FKBP5: variants seen among roughly 807,000 people sequenced by gnomAD.
FKBP5 encodes FKBP prolyl isomerase 5, also known as peptidyl-prolyl cis-trans isomerase FKBP5.
A neutral mutation model predicts 50.5 loss-of-function variants in FKBP5; 23 were observed. That is an observed-to-expected ratio of 0.46 (90% confidence interval 0.33 to 0.65). The LOEUF (loss-of-function observed/expected upper bound fraction) is 0.65. FKBP5 is among the 30% of genes least tolerant of loss of function. The probability of loss-of-function intolerance (pLI) is 0.02; values close to 1 mark genes in which losing one functional copy is unlikely to be tolerated. For synonymous variants in FKBP5, 176 were observed against 190.6 expected (o/e 0.92, Z 0.63); for missense variants, 411 against 553.1 (o/e 0.74, Z 2.58).
At chr6:35,713,529 C>T (rs1004855589) in intron 2 of FKBP5, among the ~76,000 whole-genome samples, 1 of 152,094 alleles carries the variant, frequency 6.6e-6, no homozygotes, top group South Asian at 2.1e-4. Context: ...AAAGACCTAC[C>T]CTTCTAGCAA....
intron 5 of FKBP5, among the ~76,000 whole-genome samples, chr6:35,604,882 C>A (rs1477523267): frequency 6.6e-6 from 1 of 150,970 alleles, no homozygotes; most frequent in African/African-American, 2.4e-5. Context: ...CCTCCACCTC[C>A]CGGGTTCACG....
chr6:35,607,894 ATGTCCTGGCC>A (rs1239535892), intron 5 of FKBP5: 2 of 176,922 alleles, frequency 1.1e-5, no homozygotes, highest in African/African-American at 4.8e-5. Context: ...GAGCTGAGCA[ATGTCCTGGCC>A]ACCATGACAA....
At chr6:35,680,633 A>G (rs1765639981) in intron 1 of FKBP5, among the ~76,000 whole-genome samples, 1 of 152,220 alleles carries the variant, frequency 6.6e-6, no homozygotes, top group Non-Finnish European at 1.5e-5. Context: ...AATCTAGTAG[A>G]CAGTGACAGA....
intron 6 of FKBP5, among the ~76,000 whole-genome samples, chr6:35,595,360 T>C (rs1215446289): frequency 6.6e-6 from 1 of 152,220 alleles, no homozygotes; most frequent in African/African-American, 2.4e-5. Context: ...ACAGAATTTA[T>C]CCTAAGGGAG....
chr6:35,580,174 G>A lies in FKBP5; in HGVS notation c.888C>T (p.Ser296=), dbSNP rs755603173. 17 of 1,613,918 alleles carry A rather than the reference G, an allele frequency of 1.1e-5. No homozygotes were observed. The Admixed American group carries it at 2.8e-4, about 27-fold the overall frequency. The change falls in exon 9 of 11, where the codon TCC becomes TCT. Residue 296 remains serine, a synonymous_variant. Coordinates refer to ENST00000357266, the MANE Select transcript of FKBP5 (RefSeq NM_004117.4). The part of the protein sequence containing the change: ...QAVIQYGKIV[S]WLEMEYGLSE... ...ATAAACCATATTCCATCTCTAACCA[G>A]GACACTATCTTCCCATACTGAATCA...
chr6:35,658,354 C>T (rs1006122613), intron 1 of FKBP5, among the ~76,000 whole-genome samples: 13 of 150,228 alleles, frequency 8.7e-5, no homozygotes, highest in South Asian at 4.2e-4. Flanking sequence ...CCAGCCTGGG[C>T]GACTCCGTCT....
intron 1 of FKBP5, among the ~76,000 whole-genome samples, chr6:35,668,716 A>G (rs1729244478): frequency 1.3e-5 from 2 of 152,084 alleles, no homozygotes; most frequent in Non-Finnish European, 2.9e-5. Flanking sequence ...TTTAGGGTAC[A>G]TGTGAAGTCA....
intron 1 of FKBP5, among the ~76,000 whole-genome samples, chr6:35,658,236 GT>G (rs1422679213): frequency 7.9e-5 from 12 of 152,022 alleles, no homozygotes; most frequent in African/African-American, 2.7e-4. Flanking sequence ...TTAACCGGGC[GT>G]GGTGGCGGGC....
At chr6:35,645,572 A>T (rs1320200783) in intron 1 of FKBP5, among the ~76,000 whole-genome samples, 1 of 152,238 alleles carries the variant, frequency 6.6e-6, no homozygotes, top group Non-Finnish European at 1.5e-5. Context: ...ACAAAATATA[A>T]GAACTTGGAA....
At chr6:35,613,838 GT>G (rs1763566049) in intron 5 of FKBP5, among the ~76,000 whole-genome samples, 1 of 152,150 alleles carries the variant, frequency 6.6e-6, no homozygotes, top group Non-Finnish European at 1.5e-5. Context: ...TCCCAGGAAA[GT>G]ACATTCTAAC....
In FKBP5 at chr6:35,575,037, C is replaced by T. The variant is rs908583747; in HGVS notation, c.*798G>A. On this transcript the variant is annotated 3_prime_UTR_variant, in exon 11 of 11. Transcript: ENST00000357266. ...GGGAGAAAAAGCACAATTCTGATTGCTCTTTTCACATTTCAGTATCTCAGA... is the reference window on the plus strand; with the variant it reads ...GGGAGAAAAAGCACAATTCTGATTGTTCTTTTCACATTTCAGTATCTCAGA... The T allele has an allele frequency of 1.3e-5, 2 of 152,346 alleles. No homozygotes were observed. Among genetic ancestry groups the T allele is most frequent in the Middle Eastern group, 6.8e-3 (2 of 294 alleles). 9.4% of individuals were successfully genotyped at this position (152,346 alleles called of 1,614,324 possible). A position where few individuals can be genotyped will look rare whatever the true frequency, so the allele number is the denominator to read the frequency against.
rs1340164573 is a variant in FKBP5, at chr6:35,681,442, C to T, written c.-20+7362G>A. On this transcript the variant is annotated intron_variant, in intron 1 of 10. Transcript: ENST00000357266. ...CTTTCCAGTCAACCACAACCCCTACCCAGAGGCAACCACTGTCCTGATTTC... is the reference window on the plus strand; with the variant it reads ...CTTTCCAGTCAACCACAACCCCTACTCAGAGGCAACCACTGTCCTGATTTC... 1.3e-5 allele frequency among the ~76,000 whole-genome samples: 2 copies of T among 152,182 alleles called. 1 individual carries two copies. The highest frequency in any genetic ancestry group is 4.1e-4 in the South Asian group (2 of 4,826).
intron 5 of FKBP5, among the ~76,000 whole-genome samples, chr6:35,611,744 C>T (rs944376283): frequency 1.3e-5 from 2 of 151,930 alleles, no homozygotes; most frequent in African/African-American, 2.4e-5. Context: ...CAAGAAAAAG[C>T]GTAGGGGGAC....
At chr6:35,578,761 C>CCAT (rs1762312990) in intron 9 of FKBP5, among the ~76,000 whole-genome samples, 1 of 112,758 alleles carries the variant, frequency 8.9e-6, no homozygotes, top group Non-Finnish European at 1.9e-5. Context: ...GAGAAAGACT[C>CCAT]CATCTCCAAA....
chr6:35,599,160 T>TA (rs1763072870), intron 5 of FKBP5, among the ~76,000 whole-genome samples: 1 of 152,160 alleles, frequency 6.6e-6, no homozygotes, highest in Non-Finnish European at 1.5e-5. Context: ...CTCGTTCTGT[T>TA]ATACTCATTC....
At chr6:35,652,873 C>A (rs1764847834) in intron 1 of FKBP5, among the ~76,000 whole-genome samples, 1 of 152,152 alleles carries the variant, frequency 6.6e-6, no homozygotes. Context: ...CGGATCCTAC[C>A]AATGTGTGAT....
intron 1 of FKBP5, among the ~76,000 whole-genome samples, chr6:35,647,890 C>T (rs551069897): frequency 1.3e-5 from 2 of 152,216 alleles, no homozygotes; most frequent in Non-Finnish European, 2.9e-5. Context: ...CAAGTCTTTG[C>T]AGAATCTCCA....
chr6:35,649,309 C>T lies in FKBP5; in HGVS notation c.-19-6466G>A, dbSNP rs1458888761. Reference sequence around the variant, plus strand: ...TGTTTTTTATTTTACATATTCTTATCGGATTGCTCATTTTCTTAGCACTAA... The same window carrying T: ...TGTTTTTTATTTTACATATTCTTATTGGATTGCTCATTTTCTTAGCACTAA... On this transcript the variant is annotated intron_variant, in intron 1 of 10. Transcript: ENST00000357266. 5.3e-5 allele frequency among the ~76,000 whole-genome samples: 8 copies of T among 150,052 alleles called. No individual in the cohort carries two copies. In the East Asian group the frequency reaches 1.6e-3, roughly 29 times the overall value.
At chr6:35,624,514 G>T (rs1763938915) in intron 3 of FKBP5, among the ~76,000 whole-genome samples, 1 of 151,438 alleles carries the variant, frequency 6.6e-6, no homozygotes, top group African/African-American at 2.4e-5. Flanking sequence ...TTTTGTCTAA[G>T]CCCAGAGGAA....
Sources: allele counts gnomAD v4.1 joint callset (sites outside exome capture counted in the v4.1 genomes callset), GRCh38; gene constraint gnomAD v4.1.1; transcripts MANE v1.5; gene names NCBI Gene and HGNC (gene_info 2026-07-23, HGNC 2026-07-21).